The following SPTB variants were observed in gnomAD, a reference collection of about 807,000 sequenced individuals.
The protein encoded by SPTB is spectrin beta chain, erythrocytic.
Under a neutral mutation model 256.2 loss-of-function variants are expected in SPTB, and 45 were observed. The observed-to-expected ratio is 0.18, with a 90% CI of 0.14 to 0.23. The LOEUF (loss-of-function observed/expected upper bound fraction) is 0.23. Ranked by LOEUF, SPTB falls within the 10% of genes least tolerant of loss-of-function variation. The probability of loss-of-function intolerance (pLI) is 1.00; values close to 1 mark genes in which losing one functional copy is unlikely to be tolerated. For synonymous variants in SPTB, 1,231 were observed against 1,243.1 expected (o/e 0.99, Z 0.21); for missense variants, 2,715 against 3,040.4 (o/e 0.89, Z 2.52).
Position 64,795,517 on chromosome 14 carries a change from C to T in SPTB, c.1464G>A (p.Leu488=). 1.9e-6 allele frequency: 3 copies of T among 1,614,154 alleles called. No homozygotes were observed. Among genetic ancestry groups the T allele is most frequent in the Non-Finnish European group, 2.5e-6 (3 of 1,180,034 alleles). ...TCTGGTCATGGTAGTTCTCTTTCTC[C>T]AGCTCCTGAGCCAGGTCCTCCAGGG... is the stretch of plus-strand genomic sequence containing the variant. ...VRALEDLAQE[L]EKENYHDQKR... The change falls in exon 12 of 36, where the codon CTG becomes CTA. Residue 488 remains leucine (L), a synonymous_variant. Transcript: ENST00000644917. The surrounding 1 kb of genome is among the most constrained non-coding windows in gnomAD (Gnocchi z 6.5).
chr14:64,804,242 G>A (rs538955889), intron 3 of SPTB, among the ~76,000 whole-genome samples: 1 of 152,310 alleles, frequency 6.6e-6, no homozygotes, highest in South Asian at 2.1e-4. Context: ...TTCCCCATGG[G>A]TAACTCTCTC....
Position 64,775,086 on chromosome 14 carries a change from G to T in SPTB, c.4842+39C>A, listed in dbSNP as rs756133225. 6.2e-7 allele frequency: 1 copy of T among 1,613,548 alleles called. No individual in the cohort carries two copies. The highest frequency in any genetic ancestry group is 2.2e-5 in the East Asian group (1 of 44,874). On this transcript the variant is annotated intron_variant, in intron 23 of 35. Coordinates refer to ENST00000644917, the MANE Select transcript of SPTB (RefSeq NM_001355436.2). The surrounding 1 kb of genome is among the most constrained non-coding windows in gnomAD (Gnocchi z 5.0). The stretch of plus-strand genomic sequence containing the variant: ...CAGCCAACCTCAACTCTTCCTCTCT[G>T]CCTGGGCACCCTGGCTGGTATCCCC...
At position 64,834,316 on chromosome 14, in the gene SPTB, C is replaced by T. The variant is rs561314548; in HGVS notation, c.-51-11171G>A. Among the ~76,000 whole-genome samples the T allele has an allele frequency of 9.9e-4, 151 of 152,056 alleles. 3 individuals are homozygous for T. The South Asian group carries it at 0.03, about 30-fold the overall frequency. On this transcript the variant is annotated intron_variant, in intron 1 of 35. Coordinates refer to ENST00000644917, the MANE Select transcript of SPTB (RefSeq NM_001355436.2). Reference sequence around the variant, plus strand: ...TGCTGGGATTACAGTTGTGAGCCACCGTGCCACGCTCAACCACACATTGTT... The same window carrying T: ...TGCTGGGATTACAGTTGTGAGCCACTGTGCCACGCTCAACCACACATTGTT...
chr14:64,758,492 AG>A lies in SPTB; in HGVS notation c.6346-4700del, dbSNP rs1398460804. 6.6e-6 allele frequency among the ~76,000 whole-genome samples: 1 copy of A among 152,246 alleles called. No individual in the cohort carries two copies. Among genetic ancestry groups the A allele is most frequent in the Admixed American group, 6.5e-5 (1 of 15,288 alleles). ...TGGGGCACTGAGGTGGAGGGGCCCC[AG>A]AAGCCAAAGGCAGAGGCCCCAGGTC... On this transcript the variant is annotated intron_variant, in intron 32 of 35. Transcript: ENST00000644917. The surrounding 1 kb of genome is among the most constrained non-coding windows in gnomAD (Gnocchi z 4.6).
chr14:64,754,505 G>A (rs2081995264), intron 32 of SPTB: 1 of 155,698 alleles, frequency 6.4e-6, no homozygotes, highest in Non-Finnish European at 1.4e-5. Flanking sequence ...TCCATCTCAA[G>A]ATGCTGAGTT....
At chr14:64,860,075 T>A (rs2083941841) in intron 1 of SPTB, among the ~76,000 whole-genome samples, 1 of 152,190 alleles carries the variant, frequency 6.6e-6, no homozygotes, top group South Asian at 2.1e-4. Context: ...AAATATGGCC[T>A]GATCCTTGAG....
At position 64,748,169 on chromosome 14, in the gene SPTB, C is replaced by G. The variant is rs955826866; in HGVS notation, c.*1137G>C. 1.3e-5 allele frequency: 2 copies of G among 149,610 alleles called. No homozygotes were observed. Among genetic ancestry groups the G allele is most frequent in the African/African-American group, 5.1e-5 (2 of 39,016 alleles). 9.3% of individuals were successfully genotyped at this position (149,610 alleles called of 1,614,324 possible). Reference sequence around the variant, plus strand: ...GTAGCTGTCACATGGGTGGTGATACCAAGACATGGCTGCGTCTGCCACCCC... The same window carrying G: ...GTAGCTGTCACATGGGTGGTGATACGAAGACATGGCTGCGTCTGCCACCCC... On this transcript the variant is annotated 3_prime_UTR_variant, in exon 36 of 36. Coordinates refer to ENST00000644917, the MANE Select transcript of SPTB (RefSeq NM_001355436.2).
intron 32 of SPTB, chr14:64,755,532 ACTTAGT>A (rs2082007109): frequency 1.3e-5 from 2 of 152,210 alleles, no homozygotes; most frequent in Non-Finnish European, 2.9e-5. Flanking sequence ...GAAACCACTG[ACTTAGT>A]CTAATGCTTT....
Position 64,759,240 on chromosome 14 carries a change from C to G in SPTB, c.6346-5447G>C, listed in dbSNP as rs1044280760. Among the ~76,000 whole-genome samples, 2 of 109,002 alleles carry G rather than the reference C, an allele frequency of 1.8e-5. No homozygotes were observed. Among genetic ancestry groups the G allele is most frequent in the African/African-American group, 4.1e-5 (1 of 24,484 alleles). 71.5% of individuals were successfully genotyped at this position (109,002 alleles called of 152,430 possible). A position where few individuals can be genotyped will look rare whatever the true frequency, so the allele number is the denominator to read the frequency against. Reference sequence around the variant, plus strand: ...ACAGGTGGTGTGGGAAGGCAGGGAGCCAAGTAGCTAGGCAGGGAGCCAAGT... The same window carrying G: ...ACAGGTGGTGTGGGAAGGCAGGGAGGCAAGTAGCTAGGCAGGGAGCCAAGT... On this transcript the variant is annotated intron_variant, in intron 32 of 35. Coordinates refer to ENST00000644917, the MANE Select transcript of SPTB (RefSeq NM_001355436.2). The surrounding 1 kb of genome is among the most constrained non-coding windows in gnomAD (Gnocchi z 4.8).
rs769575471 is a variant in SPTB, at chr14:64,797,724, G to A, written c.1182+5C>T. On this transcript the variant is annotated splice_donor_5th_base_variant and intron_variant, in intron 10 of 35. Coordinates refer to ENST00000644917, the MANE Select transcript of SPTB (RefSeq NM_001355436.2). The stretch of plus-strand genomic sequence containing the variant: ...GTCAATGCATAACGGAAAATGCTGT[G>A]GTACCCTGTTGATGTCAGACACTAG... The A allele has an allele frequency of 1.2e-5, 19 of 1,595,332 alleles. No homozygotes were observed. In the South Asian group the frequency reaches 1.4e-4, roughly 12 times the overall value.
At chr14:64,858,252 G>C (rs1226865955) in intron 1 of SPTB, among the ~76,000 whole-genome samples, 1 of 152,216 alleles carries the variant, frequency 6.6e-6, no homozygotes, top group Non-Finnish European at 1.5e-5. Context: ...GTGCAGGTAA[G>C]AGCTAGGTAA....
Position 64,769,020 on chromosome 14 carries a change from A to C in SPTB, c.6022+14T>G. 2 of 1,609,774 alleles carry C rather than the reference A, an allele frequency of 1.2e-6. No homozygotes were observed. Among genetic ancestry groups the C allele is most frequent in the South Asian group, 1.1e-5 (1 of 91,044 alleles). On this transcript the variant is annotated intron_variant, in intron 29 of 35. Transcript: ENST00000644917. ...ACTCCTGCCCCTGGGCCCTGGCTCC[A>C]GGGCTGTACTCACACATGCGGAGCC... is the stretch of plus-strand genomic sequence containing the variant.
rs536291595 is a variant in SPTB, at chr14:64,816,664, A to C, written c.148+6283T>G. On this transcript the variant is annotated intron_variant, in intron 2 of 35. Transcript: ENST00000644917. This position sits in a 1 kb window ranked among gnomAD's most constrained non-coding sequence, Gnocchi z 4.2. ...TGGTTGATCTACTTTCCCAAGTCTG[A>C]AGGCCAAAGGGTTTGGAGGCAAAAT... Among the ~76,000 whole-genome samples, 19 of 152,290 alleles carry C rather than the reference A, an allele frequency of 1.2e-4. No individual in the cohort carries two copies. Among genetic ancestry groups the C allele is most frequent in the Admixed American group, 4.6e-4 (7 of 15,296 alleles).
chr14:64,865,864 T>G (rs1882153015), intron 1 of SPTB, among the ~76,000 whole-genome samples: 1 of 152,140 alleles, frequency 6.6e-6, no homozygotes, highest in South Asian at 2.1e-4. Flanking sequence ...CCTTCATTCC[T>G]CCCATCACTT....
chr14:64,813,569 C>T (rs1419032714), intron 2 of SPTB, among the ~76,000 whole-genome samples: 3 of 152,122 alleles, frequency 2.0e-5, no homozygotes, highest in Admixed American at 6.5e-5. Context: ...TCGCCCAGAC[C>T]GGAGTGCAGT....
At chr14:64,860,489 T>C (rs2083949739) in intron 1 of SPTB, among the ~76,000 whole-genome samples, 1 of 151,244 alleles carries the variant, frequency 6.6e-6, no homozygotes, top group African/African-American at 2.4e-5. Flanking sequence ...GGCGCACATG[T>C]GTGGAAGCCA....
intron 2 of SPTB, among the ~76,000 whole-genome samples, chr14:64,811,445 T>G (rs1481804921): frequency 2.0e-5 from 3 of 152,204 alleles, no homozygotes; most frequent in African/African-American, 7.2e-5. Flanking sequence ...TTAAGACAAC[T>G]TGGAAAATCT....
chr14:64,828,721 G>C (rs1479555704), intron 1 of SPTB, among the ~76,000 whole-genome samples: 1 of 152,244 alleles, frequency 6.6e-6, no homozygotes, highest in East Asian at 1.9e-4. Context: ...GCCTCTCTCA[G>C]AATAAGTAAC....
rs2082238417 is a variant in SPTB, at chr14:64,769,118, T to C, written c.5938A>G (p.Ile1980Val). 1.9e-6 allele frequency: 3 copies of C among 1,613,602 alleles called. No homozygotes were observed. Among genetic ancestry groups the C allele is most frequent in the Non-Finnish European group, 2.5e-6 (3 of 1,179,952 alleles). ...ATCACCTGCTGCAGTTTCTCGCGGA[T>C]CTATGGGGAGGAAAGGGAGAAAAGC... ...LQRQHQASEEIREKLQQVMSR... is the reference protein window; with the variant it reads ...LQRQHQASEEVREKLQQVMSR... Residue 1980 changes from isoleucine to valine, a missense_variant and splice_region_variant, in exon 29 of 36, where the codon ATC becomes GTC. This residue lies in a region of SPTB where 2,239 missense variants were observed against 2,384.4 expected (regional missense o/e 0.94). Transcript: ENST00000644917.
Sources: gnomAD v4.1 joint callset for allele counts (sites outside exome capture counted in the v4.1 genomes callset) on GRCh38, gnomAD v4.1.1 for gene constraint, gnomAD v4.1.1 regional missense constraint, Gnocchi (gnomAD v3.1) non-coding constraint, MANE v1.5 for transcripts, NCBI Gene and HGNC (gene_info 2026-07-23, HGNC 2026-07-21) for gene names.